The following SUGCT variants were observed in gnomAD, a reference collection of about 807,000 sequenced individuals.
SUGCT encodes succinyl-CoA:glutarate-CoA transferase, also known as succinyl-CoA:glutarate CoA-transferase.
A neutral mutation model predicts 55.0 loss-of-function variants in SUGCT; 41 were observed. The observed-to-expected ratio is 0.74, with a 90% confidence interval of 0.58 to 0.97. The LOEUF (loss-of-function observed/expected upper bound fraction) is 0.97. Among genes scored for constraint, SUGCT ranks in the 50% least tolerant of loss-of-function variants. The probability of loss-of-function intolerance (pLI) is 0.00; values close to 1 mark genes in which losing one functional copy is unlikely to be tolerated. For missense variants in SUGCT, 568 were observed against 547.8 expected (o/e 1.04, Z -0.37); for synonymous variants, 187 against 200.4 (o/e 0.93, Z 0.56).
Position 40,719,055 on chromosome 7 carries a change from A to G in SUGCT, c.1090-30379A>G, listed in dbSNP as rs1196049320. On this transcript the variant is annotated intron_variant, in intron 12 of 13. Coordinates refer to ENST00000335693, the MANE Select transcript of SUGCT (RefSeq NM_001193313.2). ...TGTCTAAACTTTTTCATATCTCTTC[A>G]TTGTCCTTAAGATAAAGCCCGATGC... 2.0e-5 allele frequency among the ~76,000 whole-genome samples: 3 copies of G among 152,152 alleles called. No individual in the cohort carries two copies. In the East Asian group the frequency reaches 5.8e-4, roughly 29 times the overall value.
chr7:41,017,770 CAAA>C, the SUGCT span, among the ~76,000 whole-genome samples: 6 of 113,178 alleles, frequency 5.3e-5, no homozygotes, highest in Admixed American at 1.0e-4. Flanking sequence ...GAGTCCGTCT[CAAA>C]AAAAAAAAAA....
At chr7:40,771,288 G>A (rs1244245026) in intron 13 of SUGCT, among the ~76,000 whole-genome samples, 1 of 152,106 alleles carries the variant, frequency 6.6e-6, no homozygotes, top group Non-Finnish European at 1.5e-5. Flanking sequence ...AAATGCAGCA[G>A]ATTGTGTGTG....
chr7:40,359,886 A>G (rs1363235630), intron 9 of SUGCT, among the ~76,000 whole-genome samples: 1 of 152,174 alleles, frequency 6.6e-6, no homozygotes, highest in East Asian at 1.9e-4. Context: ...TGACTAGATG[A>G]CTGTTGTCTC....
intron 4 of SUGCT, 69 bp downstream of exon 4, chr7:40,188,649 T>C: frequency 7.5e-6 from 7 of 937,998 alleles, no homozygotes; most frequent in South Asian, 5.2e-5. Flanking sequence ...GTTGATATCA[T>C]TGTGGCTTGT....
chr7:40,336,487 G>GTGTCCAGGAATTTA (rs1248554785), intron 9 of SUGCT, among the ~76,000 whole-genome samples: 2 of 152,144 alleles, frequency 1.3e-5, no homozygotes, highest in African/African-American at 4.8e-5. Context: ...GAGGGTGTAT[G>GTGTCCAGGAATTTA]TGTCCAGGAA....
the SUGCT span, among the ~76,000 whole-genome samples, chr7:40,972,046 C>T: frequency 6.6e-6 from 1 of 151,808 alleles, no homozygotes; most frequent in Non-Finnish European, 1.5e-5. Flanking sequence ...GGTATGGAAC[C>T]ATGCAGAAAT....
the SUGCT span, among the ~76,000 whole-genome samples, chr7:40,929,920 T>C: frequency 6.6e-6 from 1 of 152,164 alleles, no homozygotes; most frequent in African/African-American, 2.4e-5. Context: ...AGCTCTTTAG[T>C]TTAATTAGAT....
chr7:40,581,970 A>G (rs1387529045), intron 12 of SUGCT, among the ~76,000 whole-genome samples: 1 of 152,206 alleles, frequency 6.6e-6, no homozygotes, highest in African/African-American at 2.4e-5. Context: ...CAGAGAAAGG[A>G]AACATAAAAT....
At chr7:40,970,366 T>C in the SUGCT span, among the ~76,000 whole-genome samples, 1 of 152,126 alleles carries the variant, frequency 6.6e-6, no homozygotes, top group African/African-American at 2.4e-5. Flanking sequence ...GAGACAAGGT[T>C]TCGCCATGTT....
intron 13 of SUGCT, among the ~76,000 whole-genome samples, chr7:40,831,659 A>T (rs547481203): frequency 6.6e-6 from 1 of 152,370 alleles, no homozygotes; most frequent in African/African-American, 2.4e-5. Context: ...GCAAGTCAGC[A>T]TCAGTCACAT....
intron 1 of SUGCT, among the ~76,000 whole-genome samples, chr7:40,162,090 G>T (rs890885097): frequency 6.0e-4 from 92 of 152,092 alleles, no homozygotes; most frequent in African/African-American, 2.0e-3. Context: ...TAGAGACGGG[G>T]TTTCACCATG....
the SUGCT span, among the ~76,000 whole-genome samples, chr7:40,929,606 T>A: frequency 6.6e-6 from 1 of 152,164 alleles, no homozygotes; most frequent in Non-Finnish European, 1.5e-5. Flanking sequence ...TTTTAATGAT[T>A]GCCATTCTAA....
At chr7:40,941,247 G>T in the SUGCT span, among the ~76,000 whole-genome samples, 4 of 151,954 alleles carry the variant, frequency 2.6e-5, no homozygotes, top group African/African-American at 4.8e-5. Flanking sequence ...AACACACTTT[G>T]CTGTATCCCA....
chr7:40,368,487 A>G (rs1426305101), intron 9 of SUGCT, among the ~76,000 whole-genome samples: 4 of 152,052 alleles, frequency 2.6e-5, no homozygotes, highest in African/African-American at 4.8e-5. Flanking sequence ...GTGAGCCACC[A>G]CACCCGGACT....
At chr7:40,288,263 A>G (rs1250407209) in intron 8 of SUGCT, among the ~76,000 whole-genome samples, 1 of 151,684 alleles carries the variant, frequency 6.6e-6, no homozygotes, top group Non-Finnish European at 1.5e-5. Flanking sequence ...TTTTTCTTTT[A>G]TTGTTTGGTA....
At chr7:40,508,045 C>T (rs939596201) in intron 12 of SUGCT, among the ~76,000 whole-genome samples, 7 of 152,296 alleles carry the variant, frequency 4.6e-5, no homozygotes, top group Non-Finnish European at 4.4e-5. Flanking sequence ...AGGATAGCCT[C>T]CTCAGGCAGA....
chr7:40,235,031 T>A (rs1457052507), intron 6 of SUGCT, among the ~76,000 whole-genome samples: 2 of 152,194 alleles, frequency 1.3e-5, no homozygotes, highest in Non-Finnish European at 2.9e-5. Context: ...TTATTGAAGT[T>A]GACCGATGGG....
chr7:40,396,246 A>G (rs1179791515), intron 9 of SUGCT, among the ~76,000 whole-genome samples: 2 of 152,280 alleles, frequency 1.3e-5, no homozygotes, highest in East Asian at 3.9e-4. Flanking sequence ...TGACATGGGG[A>G]AGTCAAATTT....
chr7:40,748,534 T>C (rs914752201), intron 12 of SUGCT, among the ~76,000 whole-genome samples: 2 of 151,888 alleles, frequency 1.3e-5, no homozygotes, highest in East Asian at 3.8e-4. Flanking sequence ...GTTTAGTTTT[T>C]TTATGATTTT....
Sources: gnomAD v4.1 joint callset for allele counts (sites outside exome capture counted in the v4.1 genomes callset) on GRCh38, gnomAD v4.1.1 for gene constraint, MANE v1.5 for transcripts, NCBI Gene and HGNC (gene_info 2026-07-23, HGNC 2026-07-21) for gene names.